POMZP3: variants seen among roughly 807,000 people sequenced by gnomAD.
POMZP3 encodes POM121 and ZP3 fusion, also known as POM121 and ZP3 fusion protein.
A neutral mutation model predicts 19.8 loss-of-function variants in POMZP3; 10 were observed. The observed-to-expected ratio is 0.51, with a 90% CI of 0.31 to 0.86. The LOEUF (loss-of-function observed/expected upper bound fraction) is 0.86, where lower values mean the gene tolerates loss of function less well. Ranked by LOEUF, POMZP3 falls within the 40% of genes least tolerant of loss-of-function variation. The probability of loss-of-function intolerance (pLI) is 0.04; values close to 1 mark genes in which losing one functional copy is unlikely to be tolerated. For missense variants in POMZP3, 152 were observed against 228.1 expected, an observed-to-expected ratio of 0.67 and a Z score of 2.15; for synonymous variants, 57 against 85.8, an observed-to-expected ratio of 0.66 and a Z score of 1.85.
chr7:76,622,197 C>A (rs1397309929), intron 3 of POMZP3, among the ~76,000 whole-genome samples: 1 of 151,156 alleles, frequency 6.6e-6, no homozygotes, highest in East Asian at 1.9e-4. Flanking sequence ...AAATGGGTAA[C>A]CAGCCACCCT....
rs1023173894 is a variant in POMZP3 at position 76,627,252 on chromosome 7, T to A, written c.-696A>T. ...CCAGCCGCCGCAGCCGCCGGAGACATCGCGGCTCCGCGCCGCGGAGGAGAC... is the reference window on the plus strand; with the variant it reads ...CCAGCCGCCGCAGCCGCCGGAGACAACGCGGCTCCGCGCCGCGGAGGAGAC... On this transcript the variant is annotated 5_prime_UTR_variant, in exon 1 of 7. The change abolishes an upstream ATG in the 5' untranslated region. Coordinates refer to ENST00000310842, the MANE Select transcript of POMZP3 (RefSeq NM_012230.5). 6.8e-5 allele frequency: 93 copies of A among 1,361,014 alleles called. 8 individuals are homozygous for A. The highest frequency in any genetic ancestry group is 2.6e-4 in the Middle Eastern group (1 of 3,792). 84.3% of individuals were successfully genotyped at this position (1,361,014 alleles called of 1,614,324 possible).
In POMZP3 at chr7:76,627,217, C is replaced by G. The variant is rs1048356055; in HGVS notation, c.-661G>C. On this transcript the variant is annotated 5_prime_UTR_variant, in exon 1 of 7. Transcript: ENST00000310842. Reference sequence around the variant, plus strand: ...TGACACTCGCTATCGGCCGCCGCCGCTCGCCTGCTCCAGCCGCCGCAGCCG... The same window carrying G: ...TGACACTCGCTATCGGCCGCCGCCGGTCGCCTGCTCCAGCCGCCGCAGCCG... The G allele has an allele frequency of 1.4e-6, 2 of 1,423,820 alleles. No individual in the cohort carries two copies. The highest frequency in any genetic ancestry group is 2.9e-5 in the African/African-American group (2 of 68,914). The allele number at this position is 1,423,820 out of a possible 1,614,324, so 88.2% of individuals were successfully genotyped here. A position where few individuals can be genotyped will look rare whatever the true frequency, so the allele number is the denominator to read the frequency against.
At position 76,626,032 on chromosome 7, in the gene POMZP3, G is replaced by A; in HGVS notation, c.33C>T (p.Ala11=). 1 of 1,613,798 alleles carries A rather than the reference G, an allele frequency of 6.2e-7. No homozygotes were observed. Among genetic ancestry groups the A allele is most frequent in the Non-Finnish European group, 8.5e-7 (1 of 1,179,750 alleles). Residue 11 remains alanine, a synonymous_variant, in exon 2 of 7, where the codon GCC becomes GCT. Coordinates refer to ENST00000310842, the MANE Select transcript of POMZP3 (RefSeq NM_012230.5). ...AACGCGAAAATCTTCTGTCAGGAGG[G>A]GCGATCCTCAGAGTCACTGGGCTAC... MVCSPVTLRI[A]PPDRRFSRSA...
At position 76,615,568 on chromosome 7, in the gene POMZP3, G is replaced by A; in HGVS notation, c.345+2615C>T. Reference sequence around the variant, plus strand: ...CTTTGTCCCTTAATGCCACCCTAACGTATGAGCCTCTGCTTCAGAGGTTTG... The same window carrying A: ...CTTTGTCCCTTAATGCCACCCTAACATATGAGCCTCTGCTTCAGAGGTTTG... On this transcript the variant is annotated intron_variant, in intron 4 of 6. Coordinates refer to ENST00000310842, the MANE Select transcript of POMZP3 (RefSeq NM_012230.5). 2 of 87,248 alleles carry A rather than the reference G, an allele frequency of 2.3e-5. 1 individual carries two copies. The highest frequency in any genetic ancestry group is 4.5e-5 in the Non-Finnish European group (2 of 44,172). The allele number at this position is 87,248 out of a possible 1,614,324, so 5.4% of individuals were successfully genotyped here. A position where few individuals can be genotyped will look rare whatever the true frequency, so the allele number is the denominator to read the frequency against.
intron 3 of POMZP3, among the ~76,000 whole-genome samples, chr7:76,619,486 C>G (rs1010923845): frequency 6.6e-6 from 1 of 151,308 alleles, no homozygotes; most frequent in Admixed American, 6.6e-5. Flanking sequence ...CACTTGCGTT[C>G]TTGCATAAAG....
chr7:76,618,415 A>C (rs921869618), intron 3 of POMZP3, 115 bp from the exon 4 acceptor site: 7 of 925,628 alleles, frequency 7.6e-6, no homozygotes, highest in African/African-American at 1.6e-5. Flanking sequence ...TGAGGTCAGG[A>C]GTTCGAGACT....
Position 76,625,619 on chromosome 7 carries a change from T to C in POMZP3, c.130A>G (p.Lys44Glu). Residue 44 changes from lysine to glutamate, a missense_variant, in exon 3 of 7, where the codon AAG becomes GAG. By Grantham distance (56) the Lys-to-Glu change is moderately conservative. Coordinates refer to ENST00000310842, the MANE Select transcript of POMZP3 (RefSeq NM_012230.5). ...PSSNAPDPCA[K>E]ETVLSALKEK... ...TTGAGGGCACTCAGTACAGTCTCCT[T>C]TGCACATGGGTCTGGGGCATTACTT... The C allele has an allele frequency of 6.2e-7, 1 of 1,613,826 alleles. No individual in the cohort carries two copies. Among genetic ancestry groups the C allele is most frequent in the Non-Finnish European group, 8.5e-7 (1 of 1,179,802 alleles).
intron 2 of POMZP3, 26 bp from the exon 3 acceptor site, chr7:76,625,709 A>C (rs1007122672): frequency 5.0e-6 from 8 of 1,606,520 alleles, no homozygotes; most frequent in Non-Finnish European, 5.9e-6. Context: ...GGATTCTAGC[A>C]GTAAGATATT....
At position 76,625,595 on chromosome 7, in the gene POMZP3, T is replaced by G. The variant is rs1180972336; in HGVS notation, c.154A>C (p.Lys52Gln). The G allele has an allele frequency of 6.2e-7, 1 of 1,613,728 alleles. No homozygotes were observed. The highest frequency in any genetic ancestry group is 8.5e-7 in the Non-Finnish European group (1 of 1,179,728). The stretch of plus-strand genomic sequence containing the variant: ...ACTGTCCTTTTCTTCTTCTTCTCTT[T>G]GAGGGCACTCAGTACAGTCTCCTTT... ...CAKETVLSAL[K>Q]EKKKKRTVEE... The change falls in exon 3 of 7, where the codon AAA becomes CAA. Residue 52 changes from lysine (K) to glutamine (Q), a missense_variant. Physicochemically the swap from Lys to Gln is moderately conservative, Grantham distance 53. Coordinates refer to ENST00000310842, the MANE Select transcript of POMZP3 (RefSeq NM_012230.5).
chr7:76,620,860 CATT>C (rs1815516258), intron 3 of POMZP3, among the ~76,000 whole-genome samples: 1 of 100,270 alleles, frequency 1.0e-5, no homozygotes, highest in Non-Finnish European at 1.9e-5. Context: ...GCTGTAAAGC[CATT>C]TTTTTTTTTT....
Position 76,627,179 on chromosome 7 carries a change from C to T in POMZP3, c.-623G>A, listed in dbSNP as rs1214557397. The T allele has an allele frequency of 8.3e-6, 12 of 1,442,622 alleles. 1 individual carries two copies. The highest frequency in any genetic ancestry group is 5.7e-5 in the African/African-American group (4 of 70,152). 89.4% of individuals were successfully genotyped at this position (1,442,622 alleles called of 1,614,324 possible). A position where few individuals can be genotyped will look rare whatever the true frequency, so the allele number is the denominator to read the frequency against. On this transcript the variant is annotated 5_prime_UTR_variant, in exon 1 of 7. Transcript: ENST00000310842. ...ACCAGCGACAGGCCGAGAAGCGCCG[C>T]CCCGGCCGGCCCTGACACTCGCTAT...
intron 3 of POMZP3, among the ~76,000 whole-genome samples, chr7:76,623,864 GTTTT>G (rs1299645681): frequency 6.6e-6 from 1 of 151,568 alleles, no homozygotes; most frequent in South Asian, 2.1e-4. Context: ...ACCGTGCTAG[GTTTT>G]TTGAGATAAG....
intron 3 of POMZP3, among the ~76,000 whole-genome samples, chr7:76,623,176 T>C (rs1815668586): frequency 7.3e-6 from 1 of 136,378 alleles, no homozygotes; most frequent in African/African-American, 2.6e-5. Flanking sequence ...CCAGCCCAAA[T>C]TGATTGTGGT....
chr7:76,623,410 C>G (rs992561639), intron 3 of POMZP3, among the ~76,000 whole-genome samples: 1 of 149,636 alleles, frequency 6.7e-6, no homozygotes, highest in Non-Finnish European at 1.5e-5. Context: ...GTCCAGAACC[C>G]AGCATGCAGT....
intron 3 of POMZP3, 81 bp downstream of exon 3, chr7:76,625,441 G>C (rs1251227409): frequency 1.3e-6 from 2 of 1,597,612 alleles, no homozygotes; most frequent in Non-Finnish European, 1.7e-6. Flanking sequence ...GGTGGCCTCT[G>C]TATCTTTACG....
chr7:76,623,112 T>G (rs1202677942), intron 3 of POMZP3, among the ~76,000 whole-genome samples: 1 of 151,818 alleles, frequency 6.6e-6, no homozygotes. Context: ...GCTCAAGAGA[T>G]CCCTCCACCT....
At chr7:76,626,242 G>T in intron 1 of POMZP3, 27 bp from the exon 2 acceptor site, 1 of 1,518,682 alleles carries the variant, frequency 6.6e-7, no homozygotes. Context: ...ACAAATCATG[G>T]AAACAAAGTA....
At position 76,625,668 on chromosome 7, in the gene POMZP3, G is replaced by A. The variant is rs748294008; in HGVS notation, c.81C>T (p.Ile27=). ...FSRSAIPEQI[I]SSTLSSPSSN... ...TTGATGGTGAGGACAGTGTTGAGCTGATTATCTGCTCTGGTCTATAATGAA... is the reference window on the plus strand; with the variant it reads ...TTGATGGTGAGGACAGTGTTGAGCTAATTATCTGCTCTGGTCTATAATGAA... Residue 27 remains isoleucine (I), a synonymous_variant, in exon 3 of 7, where the codon ATC becomes ATT. Coordinates refer to ENST00000310842, the MANE Select transcript of POMZP3 (RefSeq NM_012230.5). The A allele has an allele frequency of 1.7e-5, 28 of 1,613,670 alleles. No individual in the cohort carries two copies. Among genetic ancestry groups the A allele is most frequent in the Middle Eastern group, 3.3e-4 (2 of 6,078 alleles).
At chr7:76,624,927 T>C (rs1305160396) in intron 3 of POMZP3, among the ~76,000 whole-genome samples, 3 of 150,810 alleles carry the variant, frequency 2.0e-5, no homozygotes, top group Non-Finnish European at 4.4e-5. Context: ...GGTCAGGAGT[T>C]CGAGACCATC....
Sources: gnomAD v4.1 joint callset for allele counts (sites outside exome capture counted in the v4.1 genomes callset) on GRCh38, gnomAD v4.1.1 for gene constraint, MANE v1.5 for transcripts, NCBI Gene and HGNC (gene_info 2026-07-23, HGNC 2026-07-21) for gene names.